ITPR2: variants seen among roughly 807,000 people sequenced by gnomAD.
ITPR2 encodes inositol 1,4,5-trisphosphate-gated calcium channel ITPR2.
A neutral mutation model predicts 317.1 loss-of-function variants in ITPR2; 207 were observed. The observed-to-expected ratio is 0.65, with a 90% CI of 0.58 to 0.73. The LOEUF is 0.73. Among genes scored for constraint, ITPR2 ranks in the 30% least tolerant of loss-of-function variants. The pLI is 0.00. For missense variants in ITPR2, 2,613 were observed against 3,284.0 expected, an observed-to-expected ratio of 0.80 and a Z score of 4.99; for synonymous variants, 1,156 against 1,149.1, an observed-to-expected ratio of 1.01 and a Z score of -0.12.
intron 36 of ITPR2, among the ~76,000 whole-genome samples, chr12:26,550,803 C>T (rs545549946): frequency 3.9e-4 from 59 of 152,162 alleles, no homozygotes; most frequent in African/African-American, 1.3e-3. Flanking sequence ...ATATAACAGG[C>T]TGCTTTCCAG....
chr12:26,602,970 A>T (rs1295364358), intron 26 of ITPR2, among the ~76,000 whole-genome samples: 2 of 152,206 alleles, frequency 1.3e-5, no homozygotes, highest in Non-Finnish European at 2.9e-5. Context: ...TAAAGTTTTC[A>T]TACATATTAT....
intron 5 of ITPR2, among the ~76,000 whole-genome samples, chr12:26,716,721 G>A (rs573121620): frequency 4.6e-4 from 70 of 152,272 alleles, no homozygotes; most frequent in Middle Eastern, 3.4e-3. Context: ...TCTCAGAAGT[G>A]TATTAAAAAT....
intron 37 of ITPR2, among the ~76,000 whole-genome samples, chr12:26,503,547 A>G (rs562985706): frequency 6.6e-6 from 1 of 152,312 alleles, no homozygotes; most frequent in East Asian, 1.9e-4. Context: ...TGGCAATGAC[A>G]ATGCACGTTA....
At chr12:26,598,528 T>G (rs1031940490) in intron 30 of ITPR2, among the ~76,000 whole-genome samples, 1 of 152,194 alleles carries the variant, frequency 6.6e-6, no homozygotes, top group African/African-American at 2.4e-5. Flanking sequence ...TGTATCATAC[T>G]TGCTTCCTAG....
intron 32 of ITPR2, among the ~76,000 whole-genome samples, chr12:26,593,859 T>C (rs1415071176): frequency 1.3e-5 from 2 of 152,206 alleles, no homozygotes; most frequent in African/African-American, 4.8e-5. Flanking sequence ...TTGGCTTTCT[T>C]TGGTTTAAAA....
intron 10 of ITPR2, among the ~76,000 whole-genome samples, chr12:26,688,910 A>C (rs1401668338): frequency 2.6e-5 from 4 of 152,208 alleles, no homozygotes; most frequent in Non-Finnish European, 5.9e-5. Context: ...TCAAGAAGAA[A>C]GTCTAAATGT....
intron 55 of ITPR2, among the ~76,000 whole-genome samples, chr12:26,356,905 T>C (rs1451432704): frequency 6.6e-6 from 1 of 152,198 alleles, no homozygotes; most frequent in Non-Finnish European, 1.5e-5. Context: ...TTTTATGGGG[T>C]ATCAATCTGA....
intron 48 of ITPR2, among the ~76,000 whole-genome samples, chr12:26,435,918 T>A (rs910273488): frequency 6.6e-5 from 10 of 152,202 alleles, no homozygotes; most frequent in Non-Finnish European, 1.3e-4. Flanking sequence ...GTCATTTGCA[T>A]AATTTAGATG....
chr12:26,513,096 C>T (rs532974572), intron 37 of ITPR2, among the ~76,000 whole-genome samples: 25 of 152,196 alleles, frequency 1.6e-4, no homozygotes, highest in African/African-American at 6.0e-4. Context: ...CCGCCTAGGC[C>T]TCCCAAAGTG....
At chr12:26,735,484 GAGGAGA>G (rs1281208698) in intron 2 of ITPR2, among the ~76,000 whole-genome samples, 1 of 152,160 alleles carries the variant, frequency 6.6e-6, no homozygotes, top group Non-Finnish European at 1.5e-5. Flanking sequence ...AAGGAGAAGA[GAGGAGA>G]GGGAGAGGGG....
intron 45 of ITPR2, among the ~76,000 whole-genome samples, chr12:26,468,224 CAGA>C (rs71069240): frequency 0.5 from 75,395 of 151,600 alleles, 22,223 homozygotes; most frequent in Non-Finnish European, 0.64. Context: ...ATTGTAACAA[CAGA>C]AGGAGATATT....
At chr12:26,652,953 G>A (rs1447632766) in intron 21 of ITPR2, among the ~76,000 whole-genome samples, 1 of 152,188 alleles carries the variant, frequency 6.6e-6, no homozygotes, top group African/African-American at 2.4e-5. Flanking sequence ...ATTGACTTAT[G>A]AGACAGGCAC....
intron 54 of ITPR2, among the ~76,000 whole-genome samples, chr12:26,398,666 T>A (rs113803799): frequency 0.013 from 1,969 of 152,296 alleles, 56 homozygotes; most frequent in African/African-American, 0.045. Flanking sequence ...ATCACAGAAA[T>A]AATGACAGGA....
chr12:26,660,557 A>C (rs1395537159), intron 15 of ITPR2, among the ~76,000 whole-genome samples: 1 of 152,226 alleles, frequency 6.6e-6, no homozygotes, highest in Non-Finnish European at 1.5e-5. Context: ...AATTTACTGG[A>C]ATGTACCTAT....
intron 37 of ITPR2, among the ~76,000 whole-genome samples, chr12:26,545,859 T>C (rs1195801862): frequency 2.0e-5 from 3 of 152,190 alleles, no homozygotes; most frequent in Non-Finnish European, 2.9e-5. Flanking sequence ...ACAGAGATCA[T>C]GGAGTCCCAA....
intron 2 of ITPR2, among the ~76,000 whole-genome samples, chr12:26,774,617 A>G (rs1237774742): frequency 6.6e-6 from 1 of 152,240 alleles, no homozygotes; most frequent in Admixed American, 6.5e-5. Context: ...CCTGACCCTC[A>G]TACAGTTTAT....
chr12:26,753,881 T>A (rs1177522063), intron 2 of ITPR2, among the ~76,000 whole-genome samples: 2 of 152,350 alleles, frequency 1.3e-5, no homozygotes, highest in African/African-American at 4.8e-5. Context: ...TTGTCTTGTA[T>A]GTCCTTGGGA....
chr12:26,346,195 C>A (rs141548450), intron 55 of ITPR2, among the ~76,000 whole-genome samples: 1 of 152,216 alleles, frequency 6.6e-6, no homozygotes, highest in African/African-American at 2.4e-5. Context: ...GGCTCACACA[C>A]CATGTCAACC....
chr12:26,621,354 A>C lies in ITPR2; in HGVS notation c.3289-58T>G, dbSNP rs558001878. ...TTCACTATTTCTAGAATATTTATGA[A>C]TATTTTAGATGTATATTGACCATGA... is the stretch of plus-strand genomic sequence containing the variant. On this transcript the variant is annotated intron_variant, in intron 25 of 56. Transcript: ENST00000381340. 31 of 1,343,466 alleles carry C rather than the reference A, an allele frequency of 2.3e-5. No individual in the cohort carries two copies. In the East Asian group the frequency reaches 5.8e-4, roughly 25 times the overall value. The allele number at this position is 1,343,466 out of a possible 1,614,324, so 83.2% of individuals were successfully genotyped here.
Sources: allele counts gnomAD v4.1 joint callset (sites outside exome capture counted in the v4.1 genomes callset), GRCh38; gene constraint gnomAD v4.1.1; transcripts MANE v1.5; gene names NCBI Gene and HGNC (gene_info 2026-07-23, HGNC 2026-07-21).